The following PPM1H variants were observed in gnomAD, a reference collection of about 807,000 sequenced individuals.
PPM1H encodes the protein protein phosphatase, Mg2+/Mn2+ dependent 1H.
PPM1H carries 27 observed loss-of-function variants against 54.9 expected under a neutral mutation model. The ratio of observed to expected loss-of-function variants is 0.49; its 90% CI spans 0.36 to 0.68. The LOEUF is 0.68. Ranked by LOEUF, PPM1H falls within the 30% of genes least tolerant of loss-of-function variation. The probability of loss-of-function intolerance (pLI) is 0.00; values close to 1 mark genes in which losing one functional copy is unlikely to be tolerated. For synonymous variants in PPM1H, 305 were observed against 270.8 expected, an observed-to-expected ratio of 1.13 and a Z score of -1.24; for missense variants, 596 against 667.8, an observed-to-expected ratio of 0.89 and a Z score of 1.19.
intron 4 of PPM1H, among the ~76,000 whole-genome samples, chr12:62,763,238 T>G (rs974890572): frequency 2.0e-5 from 3 of 152,188 alleles, no homozygotes; most frequent in African/African-American, 7.2e-5. Flanking sequence ...GGACCGGGGT[T>G]GAGTGCTGGC....
At chr12:62,743,328 A>C (rs907306886) in intron 4 of PPM1H, among the ~76,000 whole-genome samples, 2 of 152,076 alleles carry the variant, frequency 1.3e-5, no homozygotes. Flanking sequence ...ACGCCAGCCT[A>C]GGCAACAGAT....
At chr12:62,918,117 C>T (rs1022366335) in intron 1 of PPM1H, among the ~76,000 whole-genome samples, 2 of 152,182 alleles carry the variant, frequency 1.3e-5, no homozygotes, top group Non-Finnish European at 2.9e-5. Flanking sequence ...AGTCGATGAC[C>T]TAACTTTATG....
chr12:62,725,676 ATCTTG>A (rs1267706472), intron 5 of PPM1H, among the ~76,000 whole-genome samples: 3 of 152,150 alleles, frequency 2.0e-5, no homozygotes, highest in Admixed American at 6.5e-5. Context: ...TCTCTTGTTT[ATCTTG>A]TCTTTTCTTA....
At chr12:62,739,413 G>GA (rs1183720109) in intron 4 of PPM1H, among the ~76,000 whole-genome samples, 1 of 152,218 alleles carries the variant, frequency 6.6e-6, no homozygotes, top group African/African-American at 2.4e-5. Context: ...GCGGGGTCAG[G>GA]AAATTCTAGG....
chr12:62,728,161 T>C (rs946386086), intron 5 of PPM1H, among the ~76,000 whole-genome samples: 5 of 152,176 alleles, frequency 3.3e-5, no homozygotes, highest in African/African-American at 1.2e-4. Flanking sequence ...AAAAGCTTGA[T>C]AACCTCTGCC....
chr12:62,885,360 C>T (rs1335757525), intron 1 of PPM1H, among the ~76,000 whole-genome samples: 3 of 152,146 alleles, frequency 2.0e-5, no homozygotes, highest in Admixed American at 1.3e-4. Context: ...AGGGCTCTTC[C>T]CTGTTGCTAG....
chr12:62,821,615 T>C (rs370866382), intron 2 of PPM1H, among the ~76,000 whole-genome samples: 2 of 152,314 alleles, frequency 1.3e-5, no homozygotes. Context: ...TGGGGGCCAA[T>C]ATTCAACATT....
At chr12:62,730,948 G>A (rs2076317434) in intron 5 of PPM1H, among the ~76,000 whole-genome samples, 2 of 152,200 alleles carry the variant, frequency 1.3e-5, no homozygotes, top group African/African-American at 4.8e-5. Context: ...TGAAATGGCT[G>A]AGACCCAAAT....
intron 4 of PPM1H, among the ~76,000 whole-genome samples, chr12:62,780,848 C>G (rs982903212): frequency 6.6e-6 from 1 of 152,246 alleles, no homozygotes; most frequent in Non-Finnish European, 1.5e-5. Flanking sequence ...CCTCCTGGCA[C>G]TGATCCACTG....
intron 1 of PPM1H, among the ~76,000 whole-genome samples, chr12:62,866,011 A>C (rs1334014373): frequency 6.6e-6 from 1 of 152,192 alleles, no homozygotes; most frequent in African/African-American, 2.4e-5. Context: ...TTTTCTCAGC[A>C]TGCATTTATA....
intron 9 of PPM1H, among the ~76,000 whole-genome samples, chr12:62,656,723 A>G (rs2075846214): frequency 6.6e-6 from 1 of 152,144 alleles, no homozygotes; most frequent in South Asian, 2.1e-4. Flanking sequence ...CCGCAGTAAT[A>G]CAGTGTGAGG....
rs78377727 is a variant in PPM1H at position 62,774,096 on chromosome 12, C to A, written c.869+14130G>T. Among the ~76,000 whole-genome samples the A allele has an allele frequency of 1.6e-4, 25 of 152,326 alleles. 1 individual carries two copies. The East Asian group carries it at 4.6e-3, about 28-fold the overall frequency. On this transcript the variant is annotated intron_variant, in intron 4 of 9. Transcript: ENST00000228705. Reference sequence around the variant, plus strand: ...ATAATAGAGGCAGGTCAGTCTCTGGCTGGATACTAAGTTAATGGTTCCCAA... The same window carrying A: ...ATAATAGAGGCAGGTCAGTCTCTGGATGGATACTAAGTTAATGGTTCCCAA...
At chr12:62,912,278 C>A (rs560882294) in intron 1 of PPM1H, among the ~76,000 whole-genome samples, 3 of 152,174 alleles carry the variant, frequency 2.0e-5, no homozygotes, top group Non-Finnish European at 4.4e-5. Context: ...ACCTTCATTC[C>A]CCAAACAACC....
chr12:62,930,028 G>A (rs968345146), intron 1 of PPM1H, among the ~76,000 whole-genome samples: 1 of 152,130 alleles, frequency 6.6e-6, no homozygotes, highest in African/African-American at 2.4e-5. Context: ...AAAAAGAAAG[G>A]CCAGGGGATT....
intron 5 of PPM1H, among the ~76,000 whole-genome samples, chr12:62,730,830 A>G (rs184507555): frequency 2.2e-4 from 33 of 152,342 alleles, no homozygotes; most frequent in Admixed American, 5.2e-4. Context: ...ACTGGTGATC[A>G]CTAACAGTCA....
At position 62,934,753 on chromosome 12, in the gene PPM1H, G is replaced by C; in HGVS notation, c.-17C>G. 2 of 1,512,270 alleles carry C rather than the reference G, an allele frequency of 1.3e-6. No homozygotes were observed. The highest frequency in any genetic ancestry group is 5.3e-5 in the East Asian group (2 of 37,918). 93.7% of individuals were successfully genotyped at this position (1,512,270 alleles called of 1,614,324 possible). On this transcript the variant is annotated 5_prime_UTR_variant, in exon 1 of 10. Coordinates refer to ENST00000228705, the MANE Select transcript of PPM1H (RefSeq NM_020700.2). This position sits in a 1 kb window ranked among gnomAD's most constrained non-coding sequence, Gnocchi z 4.2. The stretch of plus-strand genomic sequence containing the variant: ...AGTGAGCATATTACTCCGGCGCCCG[G>C]CTGCAGCGGTGCGAGCAGGAGGCGG...
chr12:62,720,511 A>G (rs1337811972), intron 5 of PPM1H, among the ~76,000 whole-genome samples: 3 of 152,248 alleles, frequency 2.0e-5, no homozygotes, highest in Non-Finnish European at 4.4e-5. Flanking sequence ...GATCTGATAC[A>G]TTAATTGTAA....
At chr12:62,787,264 C>T (rs1490952245) in intron 4 of PPM1H, among the ~76,000 whole-genome samples, 1 of 151,986 alleles carries the variant, frequency 6.6e-6, no homozygotes, top group Non-Finnish European at 1.5e-5. Context: ...GTGGAGCAAG[C>T]AGGAGAGCCC....
At chr12:62,737,686 A>T in intron 4 of PPM1H, 100 bp from the exon 5 acceptor site, 1 of 824,340 alleles carries the variant, frequency 1.2e-6, no homozygotes, top group East Asian at 3.1e-5. Context: ...ATGCCAAGAG[A>T]TGTTTTTGTT....
Sources: allele counts gnomAD v4.1 joint callset (sites outside exome capture counted in the v4.1 genomes callset), GRCh38; gene constraint gnomAD v4.1.1; non-coding constraint Gnocchi (gnomAD v3.1); transcripts MANE v1.5; gene names NCBI Gene and HGNC (gene_info 2026-07-23, HGNC 2026-07-21).